IFT74: variants seen among roughly 807,000 people sequenced by gnomAD.
IFT74 encodes intraflagellar transport 74.
Under a neutral mutation model 96.7 loss-of-function variants are expected in IFT74, and 92 were observed. That is an observed-to-expected ratio of 0.95 (90% confidence interval 0.80 to 1.13). The LOEUF is 1.13. Ranked by LOEUF, IFT74 falls within the 50% of genes most tolerant of loss-of-function variation. The pLI is 0.00. For missense variants in IFT74, 811 were observed against 698.2 expected, an observed-to-expected ratio of 1.16 and a Z score of -1.82; for synonymous variants, 223 against 213.2, an observed-to-expected ratio of 1.05 and a Z score of -0.40.
At chr9:27,054,190 T>G (rs977670391) in intron 16 of IFT74, among the ~76,000 whole-genome samples, 1 of 152,228 alleles carries the variant, frequency 6.6e-6, no homozygotes, top group Non-Finnish European at 1.5e-5. Context: ...TCATTCATAT[T>G]CATTTACTAT....
At chr9:27,011,808 C>G (rs1587350835) in intron 9 of IFT74, 98 bp from the exon 10 acceptor site, 1 of 596,194 alleles carries the variant, frequency 1.7e-6, no homozygotes. Flanking sequence ...TGTTGAGAAA[C>G]AGAGAAATAA....
Position 27,062,839 on chromosome 9 carries a change from A to C in IFT74, c.*103A>C. 1 of 675,524 alleles carries C rather than the reference A, an allele frequency of 1.5e-6. No individual in the cohort carries two copies. Among genetic ancestry groups the C allele is most frequent in the Non-Finnish European group, 2.6e-6 (1 of 386,508 alleles). 41.8% of individuals were successfully genotyped at this position (675,524 alleles called of 1,614,324 possible). A position where few individuals can be genotyped will look rare whatever the true frequency, so the allele number is the denominator to read the frequency against. ...AAAAGCTTACTTTTGGAGTTTACCT[A>C]AAATTTCTGAATGTTATAATTTTTG... is the stretch of plus-strand genomic sequence containing the variant. On this transcript the variant is annotated 3_prime_UTR_variant, in exon 20 of 20. Coordinates refer to ENST00000380062, the MANE Select transcript of IFT74 (RefSeq NM_025103.4).
At position 27,065,965 on chromosome 9, in the gene IFT74, T is replaced by A. The variant is rs2131725413; in HGVS notation, c.*3229T>A. 6.6e-6 allele frequency among the ~76,000 whole-genome samples: 1 copy of A among 152,346 alleles called. No individual in the cohort carries two copies. Among genetic ancestry groups the A allele is most frequent in the Non-Finnish European group, 1.5e-5 (1 of 68,022 alleles). ...ACATTTTTAAAAAGGCAATTTTTAA[T>A]ACAAAGGTAGATAATTTAGGAAGAC... On this transcript the variant is annotated 3_prime_UTR_variant, in exon 20 of 20. Coordinates refer to ENST00000380062, the MANE Select transcript of IFT74 (RefSeq NM_025103.4).
chr9:27,017,476 C>T (rs1829404235), intron 11 of IFT74, among the ~76,000 whole-genome samples: 1 of 152,186 alleles, frequency 6.6e-6, no homozygotes, highest in Non-Finnish European at 1.5e-5. Flanking sequence ...CCCATTTCAG[C>T]CTCTCCAAGT....
chr9:26,999,333 A>C (rs1445862892), intron 8 of IFT74, among the ~76,000 whole-genome samples: 5 of 152,162 alleles, frequency 3.3e-5, no homozygotes, highest in African/African-American at 1.2e-4. Context: ...TTTAAAAAAA[A>C]GTTTCCTACA....
At chr9:26,961,839 G>A (rs752431350) in intron 1 of IFT74, 110 bp from the exon 2 acceptor site, 46 of 1,120,698 alleles carry the variant, frequency 4.1e-5, no homozygotes, top group Admixed American at 5.9e-5. Flanking sequence ...TACACAGAAC[G>A]GCAGTTTGCA....
chr9:27,055,849 T>G (rs1273279465), intron 17 of IFT74, 77 bp downstream of exon 17: 1 of 907,016 alleles, frequency 1.1e-6, no homozygotes, highest in East Asian at 3.0e-5. Context: ...ATTTGTGGTT[T>G]ATAGGATTTA....
In IFT74 at chr9:27,065,252, C is replaced by G. The variant is rs1374152137; in HGVS notation, c.*2516C>G. Among the ~76,000 whole-genome samples the G allele has an allele frequency of 6.6e-6, 1 of 152,098 alleles. No individual in the cohort carries two copies. The highest frequency in any genetic ancestry group is 6.5e-5 in the Admixed American group (1 of 15,270). On this transcript the variant is annotated 3_prime_UTR_variant, in exon 20 of 20. Transcript: ENST00000380062. ...AAACATGTTTTATCTGAGGGAAATT[C>G]TCACTAATGTCTCTCTTCCTTCCTC...
At chr9:26,981,328 C>A (rs1827365853) in intron 4 of IFT74, among the ~76,000 whole-genome samples, 1 of 152,036 alleles carries the variant, frequency 6.6e-6, no homozygotes, top group Non-Finnish European at 1.5e-5. Flanking sequence ...CTCACTGCAA[C>A]CTTGAACTCC....
At chr9:27,020,378 C>T in intron 12 of IFT74, among the ~76,000 whole-genome samples, 1 of 150,954 alleles carries the variant, frequency 6.6e-6, no homozygotes, top group East Asian at 1.9e-4. Context: ...TTTTTTGTAA[C>T]TGTAAGCAAA....
intron 13 of IFT74, among the ~76,000 whole-genome samples, chr9:27,030,827 A>G (rs1830084451): frequency 6.6e-6 from 1 of 152,206 alleles, no homozygotes; most frequent in Non-Finnish European, 1.5e-5. Context: ...TTGGCTCTGT[A>G]TAAGCAAGGG....
chr9:26,961,987 C>T lies in IFT74; in HGVS notation c.20C>T (p.Ser7Phe). 6.2e-7 allele frequency: 1 copy of T among 1,614,156 alleles called. No homozygotes were observed. The highest frequency in any genetic ancestry group is 8.5e-7 in the Non-Finnish European group (1 of 1,179,974). Residue 7 changes from serine to phenylalanine, a missense_variant, in exon 2 of 20, where the codon TCT becomes TTT. Coordinates refer to ENST00000380062, the MANE Select transcript of IFT74 (RefSeq NM_025103.4). MASNHK[S>F]SAARPVSRGG... ...GAAACAATGGCCAGCAATCACAAAT[C>T]TTCAGCAGCTCGCCCTGTTTCAAGA...
rs143054090 is a variant in IFT74 at position 26,988,055 on chromosome 9, C to T, written c.466-614C>T. On this transcript the variant is annotated intron_variant, in intron 6 of 19. Transcript: ENST00000380062. ...GCAACCTCTGCTTCCCGGGTTCAAG[C>T]GATTCTCCTGCCTCAGTCTCTCTAG... is the stretch of plus-strand genomic sequence containing the variant. Among the ~76,000 whole-genome samples, 501 of 152,126 alleles carry T rather than the reference C, an allele frequency of 3.3e-3. 6 individuals are homozygous for T. Among genetic ancestry groups the T allele is most frequent in the African/African-American group, 0.011 (468 of 41,500 alleles).
intron 13 of IFT74, among the ~76,000 whole-genome samples, chr9:27,035,762 C>A (rs1415318073): frequency 3.3e-5 from 5 of 152,156 alleles, no homozygotes; most frequent in Non-Finnish European, 7.4e-5. Flanking sequence ...AAAAATTATA[C>A]AATTTATACA....
intron 13 of IFT74, among the ~76,000 whole-genome samples, chr9:27,037,859 C>T (rs1819273336): frequency 6.6e-6 from 1 of 152,218 alleles, no homozygotes; most frequent in Non-Finnish European, 1.5e-5. Context: ...TGGAAGAGAA[C>T]AGGGTGCCAT....
intron 8 of IFT74, among the ~76,000 whole-genome samples, chr9:26,999,052 T>C (rs1235500814): frequency 6.6e-6 from 1 of 152,186 alleles, no homozygotes; most frequent in African/African-American, 2.4e-5. Context: ...TCTCTTAAAC[T>C]CTCTGGGTTT....
chr9:26,956,402 G>C (rs1826095765), upstream of IFT74: 1 of 152,288 alleles, frequency 6.6e-6, no homozygotes, highest in Non-Finnish European at 1.5e-5. Flanking sequence ...GATACGCCGC[G>C]GCGCACGGCA....
intron 13 of IFT74, among the ~76,000 whole-genome samples, chr9:27,032,729 G>A (rs142751898): frequency 1.3e-5 from 2 of 152,138 alleles, no homozygotes; most frequent in African/African-American, 2.4e-5. Flanking sequence ...AGCTAGGCAT[G>A]GTGGTGTGTA....
At chr9:27,049,629 T>TA (rs1051214925) in intron 16 of IFT74, among the ~76,000 whole-genome samples, 2 of 152,234 alleles carry the variant, frequency 1.3e-5, no homozygotes, top group East Asian at 3.9e-4. Context: ...ATAAGAGGCT[T>TA]AAAAAAATCT....
Sources: gnomAD v4.1 joint callset for allele counts (sites outside exome capture counted in the v4.1 genomes callset) on GRCh38, gnomAD v4.1.1 for gene constraint, MANE v1.5 for transcripts, NCBI Gene and HGNC (gene_info 2026-07-23, HGNC 2026-07-21) for gene names.